The following POSTN variants were observed in gnomAD, a reference collection of about 807,000 sequenced individuals.
The protein encoded by POSTN is osteoblast specific factor 2 (fasciclin I-like).
POSTN carries 71 observed loss-of-function variants against 104.5 expected under a neutral mutation model. The observed-to-expected ratio is 0.68, with a 90% CI of 0.56 to 0.83. The LOEUF (loss-of-function observed/expected upper bound fraction) is 0.83. Among genes scored for constraint, POSTN ranks in the 40% least tolerant of loss-of-function variants. The pLI, the probability that POSTN is intolerant of heterozygous loss-of-function variation, is 0.00. For missense variants in POSTN, 949 were observed against 1,006.8 expected (o/e 0.94, Z 0.78); for synonymous variants, 355 against 340.7 (o/e 1.04, Z -0.46).
At position 37,587,855 on chromosome 13, in the gene POSTN, A is replaced by G. The variant is rs1950794404; in HGVS notation, c.573T>C (p.Asn191=). Residue 191 remains asparagine, a synonymous_variant, in exon 5 of 23, where the codon AAT becomes AAC. Transcript: ENST00000379747. ...NGMIIPSMYN[N]LGLFINHYPN... ...GATAATGGTTAATGAAAAGCCCCAAATTGTTATACATTGAAGGAATAATCA... is the reference window on the plus strand; with the variant it reads ...GATAATGGTTAATGAAAAGCCCCAAGTTGTTATACATTGAAGGAATAATCA... The G allele has an allele frequency of 1.2e-6, 2 of 1,603,948 alleles. No individual in the cohort carries two copies. The highest frequency in any genetic ancestry group is 2.2e-5 in the South Asian group (2 of 90,288).
At position 37,591,784 on chromosome 13, in the gene POSTN, C is replaced by T. The variant is rs115267266; in HGVS notation, c.283+316G>A. 6.9e-3 allele frequency among the ~76,000 whole-genome samples: 1,050 copies of T among 151,954 alleles called. 11 individuals carry two copies. Among genetic ancestry groups the T allele is most frequent in the African/African-American group, 0.024 (990 of 41,406 alleles). On this transcript the variant is annotated intron_variant, in intron 3 of 22. Coordinates refer to ENST00000379747, the MANE Select transcript of POSTN (RefSeq NM_006475.3). ...TTCAACTAGAGAAGATGAAGTTTTG[C>T]CAAGTAGTTGAGTTCCATGTTCCTA...
Position 37,564,199 on chromosome 13 carries a change from TATATATATA to T in POSTN, c.2473+311_2473+319del, listed in dbSNP as rs1950017040. ...AACATTACATATATATATATATATATATATATATATATATATATATATATATATATGTAT... is the reference window on the plus strand; with the variant it reads ...AACATTACATATATATATATATATATTATATATATATATATATATATGTAT... On this transcript the variant is annotated intron_variant, in intron 22 of 22. Transcript: ENST00000379747. Among the ~76,000 whole-genome samples, 12 of 110,642 alleles carry T rather than the reference TATATATATA, an allele frequency of 1.1e-4. 1 individual carries two copies. The East Asian group carries it at 1.5e-3, about 14-fold the overall frequency. The allele number at this position is 110,642 out of a possible 152,430, so 72.6% of individuals were successfully genotyped here.
rs1020780694 is a variant in POSTN, at chr13:37,584,992, G to C, written c.896-64C>G. ...GGGAAATAACATTTGACCCTGAAAA[G>C]ATGTGTTTCACTGTGGAACTAAGTA... On this transcript the variant is annotated intron_variant, in intron 7 of 22. Coordinates refer to ENST00000379747, the MANE Select transcript of POSTN (RefSeq NM_006475.3). 1.6e-5 allele frequency: 25 copies of C among 1,584,440 alleles called. No individual in the cohort carries two copies. In the African/African-American group the frequency reaches 3.4e-4, roughly 21 times the overall value.
chr13:37,595,913 C>T (rs568778123), intron 2 of POSTN, among the ~76,000 whole-genome samples: 23 of 150,936 alleles, frequency 1.5e-4, no homozygotes, highest in East Asian at 3.9e-4. Flanking sequence ...TAGGTTCAAG[C>T]GATTCTCCTG....
At chr13:37,577,456 C>A (rs1018317320) in intron 16 of POSTN, among the ~76,000 whole-genome samples, 4 of 152,148 alleles carry the variant, frequency 2.6e-5, no homozygotes, top group Admixed American at 6.5e-5. Flanking sequence ...AGGGTCTTTT[C>A]GCCATCTCTT....
At chr13:37,587,083 G>A (rs1401381453) in intron 5 of POSTN, among the ~76,000 whole-genome samples, 155 bp from the exon 6 acceptor site, 1 of 152,048 alleles carries the variant, frequency 6.6e-6, no homozygotes, top group Non-Finnish European at 1.5e-5. Flanking sequence ...AGATTTACAT[G>A]TTGTTATATC....
intron 17 of POSTN, 56 bp from the exon 18 acceptor site, chr13:37,571,514 C>T: frequency 7.7e-7 from 1 of 1,303,904 alleles, no homozygotes; most frequent in Non-Finnish European, 1.1e-6. Flanking sequence ...TTTAAATTTA[C>T]CGGAATAGGA....
At position 37,569,914 on chromosome 13, in the gene POSTN, A is replaced by G. The variant is rs973316401; in HGVS notation, c.2270-93T>C. ...AGTAAGTATTTTACACTTGTGGGCC[A>G]TGTAGTCTGTGTTGCCATTGTTCAA... On this transcript the variant is annotated intron_variant, in intron 19 of 22. Transcript: ENST00000379747. 8.6e-6 allele frequency: 7 copies of G among 818,064 alleles called. No individual in the cohort carries two copies. The African/African-American group carries it at 1.2e-4, about 14-fold the overall frequency. 50.7% of individuals were successfully genotyped at this position (818,064 alleles called of 1,614,324 possible). A position where few individuals can be genotyped will look rare whatever the true frequency, so the allele number is the denominator to read the frequency against.
At chr13:37,563,765 T>TCCTTTTC (rs1593299711) in intron 22 of POSTN, among the ~76,000 whole-genome samples, 1 of 152,014 alleles carries the variant, frequency 6.6e-6, no homozygotes, top group East Asian at 1.9e-4. Context: ...TACTAGTATC[T>TCCTTTTC]AATTAACCCA....
At chr13:37,574,245 T>C (rs1950341200) in intron 17 of POSTN, among the ~76,000 whole-genome samples, 1 of 151,538 alleles carries the variant, frequency 6.6e-6, no homozygotes, top group East Asian at 1.9e-4. Flanking sequence ...ATAAAGAGTA[T>C]ACAGCCTGTA....
chr13:37,595,014 TAA>T (rs1157304869), intron 2 of POSTN, among the ~76,000 whole-genome samples: 3 of 136,540 alleles, frequency 2.2e-5, no homozygotes, highest in Admixed American at 7.4e-5. Context: ...CATTTCTGGT[TAA>T]AAAAAAAAAA....
At chr13:37,594,915 A>G (rs772624903) in intron 2 of POSTN, among the ~76,000 whole-genome samples, 2 of 151,946 alleles carry the variant, frequency 1.3e-5, no homozygotes, top group Non-Finnish European at 2.9e-5. Context: ...ATTTACATTT[A>G]TTTCAGTGCC....
rs766641232 is a variant in POSTN, at chr13:37,570,608, T to C, written c.2241A>G (p.Lys747=). 1.2e-6 allele frequency: 2 copies of C among 1,606,850 alleles called. No homozygotes were observed. The highest frequency in any genetic ancestry group is 1.7e-6 in the Non-Finnish European group (2 of 1,173,952). Reference sequence around the variant, plus strand: ...TAATGATTCGTTCTTCTCGTGTCTCTTTTTCAGTTATTTCCACAGGCACTC... The same window carrying C: ...TAATGATTCGTTCTTCTCGTGTCTCCTTTTCAGTTATTTCCACAGGCACTC... ...IDGVPVEITE[K]ETREERIITG... Residue 747 remains lysine, a synonymous_variant, in exon 19 of 23, where the codon AAA becomes AAG. Transcript: ENST00000379747.
At chr13:37,571,590 A>C (rs1199490013) in intron 17 of POSTN, 132 bp from the exon 18 acceptor site, 2 of 582,950 alleles carry the variant, frequency 3.4e-6, no homozygotes, top group Non-Finnish European at 5.9e-6. Flanking sequence ...CTATGAAATC[A>C]CTTTTAAATA....
chr13:37,570,557 C>T, intron 19 of POSTN, 23 bp downstream of exon 19: 8 of 1,449,612 alleles, frequency 5.5e-6, no homozygotes, highest in Non-Finnish European at 7.7e-6. Context: ...AGGCATAGAT[C>T]CATGTATGGA....
chr13:37,584,673 A>G, intron 8 of POSTN, 43 bp downstream of exon 8: 3 of 1,479,976 alleles, frequency 2.0e-6, no homozygotes, highest in Non-Finnish European at 2.8e-6. Context: ...AGTAAATTAC[A>G]GTAAGTAAAA....
chr13:37,584,888 A>C lies in POSTN; in HGVS notation c.936T>G (p.Ser312=), dbSNP rs754989790. The C allele has an allele frequency of 3.1e-6, 5 of 1,613,898 alleles. No individual in the cohort carries two copies. The Admixed American group carries it at 8.3e-5, about 27-fold the overall frequency. Residue 312 remains serine (S), a synonymous_variant, in exon 8 of 23, where the codon TCT becomes TCG. Transcript: ENST00000379747. ...AGACTGCTCCTCCCATAATAGACTC[A>C]GAACACTGGAGAGTATTTAAGATGT... The part of the protein sequence containing the change: ...KYHILNTLQC[S]ESIMGGAVFE...
chr13:37,584,198 T>C (rs1950681153), intron 8 of POSTN, 95 bp from the exon 9 acceptor site: 7 of 1,457,556 alleles, frequency 4.8e-6, no homozygotes, highest in Non-Finnish European at 6.5e-6. Context: ...TTTCTAATAT[T>C]GTAAGCTATT....
chr13:37,578,751 A>T, intron 15 of POSTN, 93 bp downstream of exon 15: 1 of 1,098,502 alleles, frequency 9.1e-7, no homozygotes, highest in Non-Finnish European at 1.2e-6. Context: ...GTGAGCTGAG[A>T]TCATGCCACT....
Sources: gnomAD v4.1 joint callset for allele counts (sites outside exome capture counted in the v4.1 genomes callset) on GRCh38, gnomAD v4.1.1 for gene constraint, MANE v1.5 for transcripts, NCBI Gene and HGNC (gene_info 2026-07-23, HGNC 2026-07-21) for gene names.